The following CCSER1 variants were observed in gnomAD, a reference collection of about 807,000 sequenced individuals.
The protein encoded by CCSER1 is coiled-coil serine rich protein 1.
A neutral mutation model predicts 82.0 loss-of-function variants in CCSER1; 41 were observed. That is an observed-to-expected ratio of 0.50 (90% confidence interval 0.39 to 0.65). The LOEUF (loss-of-function observed/expected upper bound fraction) is 0.65. Ranked by LOEUF, CCSER1 falls within the 30% of genes least tolerant of loss-of-function variation. CCSER1 has a pLI of 0.00. For missense variants in CCSER1, 1,119 were observed against 1,064.2 expected (o/e 1.05, Z -0.72); for synonymous variants, 414 against 383.9 (o/e 1.08, Z -0.92).
chr4:90,809,075 TG>T (rs1429422929), intron 7 of CCSER1, among the ~76,000 whole-genome samples: 1 of 152,128 alleles, frequency 6.6e-6, no homozygotes, highest in Non-Finnish European at 1.5e-5. Context: ...CCCAACATTT[TG>T]GGATGCTGGG....
At chr4:90,296,674 G>A (rs1732014311) in intron 1 of CCSER1, among the ~76,000 whole-genome samples, 1 of 152,100 alleles carries the variant, frequency 6.6e-6, no homozygotes, top group African/African-American at 2.4e-5. Context: ...TTTGTATAAG[G>A]TGTAAGGAAG....
chr4:91,402,700 T>A (rs906931553), intron 10 of CCSER1, among the ~76,000 whole-genome samples: 5 of 152,008 alleles, frequency 3.3e-5, no homozygotes, highest in African/African-American at 1.2e-4. Context: ...AGATCAGATG[T>A]TTGTAGATGT....
intron 1 of CCSER1, among the ~76,000 whole-genome samples, chr4:90,220,466 T>A (rs1741934746): frequency 6.6e-6 from 1 of 152,120 alleles, no homozygotes. Context: ...GATTTGCTTT[T>A]TTTTTTGCTT....
At chr4:90,483,536 C>A (rs1184139330) in intron 5 of CCSER1, among the ~76,000 whole-genome samples, 1 of 152,200 alleles carries the variant, frequency 6.6e-6, no homozygotes, top group Non-Finnish European at 1.5e-5. Flanking sequence ...ATGTTTAGTG[C>A]TTCCTTCAGG....
intron 8 of CCSER1, among the ~76,000 whole-genome samples, chr4:90,820,036 G>A (rs571600063): frequency 6.6e-6 from 1 of 152,230 alleles, no homozygotes; most frequent in East Asian, 1.9e-4. Flanking sequence ...TTCTATAATA[G>A]AACAAAATCT....
intron 10 of CCSER1, among the ~76,000 whole-genome samples, chr4:91,552,425 TAATC>T (rs1762200539): frequency 6.6e-6 from 1 of 151,756 alleles, no homozygotes; most frequent in East Asian, 1.9e-4. Context: ...TAGAAATTAA[TAATC>T]AATAACCAAT....
intron 8 of CCSER1, among the ~76,000 whole-genome samples, chr4:90,878,775 A>G (rs1561293336): frequency 6.6e-6 from 1 of 152,154 alleles, no homozygotes; most frequent in Non-Finnish European, 1.5e-5. Context: ...TAGTTTTGTG[A>G]CCTTAGATCA....
intron 10 of CCSER1, among the ~76,000 whole-genome samples, chr4:91,511,519 G>C (rs898707658): frequency 6.6e-6 from 1 of 152,134 alleles, no homozygotes; most frequent in African/African-American, 2.4e-5. Context: ...CTGGGCCATG[G>C]ACTGGTACCA....
intron 1 of CCSER1, among the ~76,000 whole-genome samples, chr4:90,212,656 T>C (rs1406777295): frequency 2.0e-5 from 3 of 152,224 alleles, no homozygotes; most frequent in Non-Finnish European, 4.4e-5. Context: ...AAGTGGTATT[T>C]GGAGAGTTTG....
At chr4:91,275,247 C>T (rs1479712851) in intron 10 of CCSER1, among the ~76,000 whole-genome samples, 1 of 152,002 alleles carries the variant, frequency 6.6e-6, no homozygotes, top group African/African-American at 2.4e-5. Context: ...TTTACATTTC[C>T]ACCCACAATG....
chr4:90,911,822 AG>A (rs1284080055), intron 8 of CCSER1, among the ~76,000 whole-genome samples: 2 of 152,218 alleles, frequency 1.3e-5, no homozygotes, highest in Non-Finnish European at 2.9e-5. Flanking sequence ...ACGGCACACC[AG>A]GAGATTATAT....
At chr4:90,596,319 A>G (rs994230609) in intron 5 of CCSER1, among the ~76,000 whole-genome samples, 4 of 151,958 alleles carry the variant, frequency 2.6e-5, no homozygotes, top group South Asian at 4.1e-4. Flanking sequence ...TTATTCAATT[A>G]AAGTTATTTA....
intron 1 of CCSER1, among the ~76,000 whole-genome samples, chr4:90,150,700 A>G (rs1446721242): frequency 1.3e-5 from 2 of 152,150 alleles, no homozygotes; most frequent in African/African-American, 4.8e-5. Flanking sequence ...GTAATTATTA[A>G]GAAGAAAAAC....
intron 5 of CCSER1, among the ~76,000 whole-genome samples, chr4:90,480,062 T>C (rs902407152): frequency 6.6e-6 from 1 of 152,170 alleles, no homozygotes; most frequent in South Asian, 2.1e-4. Context: ...TTTTAATGAT[T>C]GCCATTCTAA....
At chr4:91,367,663 A>C (rs992676035) in intron 10 of CCSER1, among the ~76,000 whole-genome samples, 1 of 152,052 alleles carries the variant, frequency 6.6e-6, no homozygotes, top group African/African-American at 2.4e-5. Flanking sequence ...ACACATTACT[A>C]TATCATGGAT....
At chr4:91,224,217 C>T (rs1019243252) in intron 10 of CCSER1, among the ~76,000 whole-genome samples, 17 of 152,020 alleles carry the variant, frequency 1.1e-4, no homozygotes, top group Non-Finnish European at 2.1e-4. Flanking sequence ...CAAATCCACT[C>T]GCATCGGTCT....
chr4:90,601,389 A>T (rs745726952), intron 5 of CCSER1, among the ~76,000 whole-genome samples: 1 of 151,980 alleles, frequency 6.6e-6, no homozygotes, highest in Middle Eastern at 3.2e-3. Context: ...TTTATCAGGA[A>T]TGAATATTGG....
intron 8 of CCSER1, among the ~76,000 whole-genome samples, chr4:90,881,620 C>G (rs1401912726): frequency 7.2e-6 from 1 of 138,940 alleles, no homozygotes. Context: ...AAAAATGCAA[C>G]AACAACAACA....
chr4:90,766,183 A>G (rs995118535), intron 7 of CCSER1, among the ~76,000 whole-genome samples: 2 of 152,168 alleles, frequency 1.3e-5, no homozygotes, highest in Non-Finnish European at 2.9e-5. Context: ...ATCAGTGCCT[A>G]TCAACCAGCC....
Sources: allele counts gnomAD v4.1 joint callset (sites outside exome capture counted in the v4.1 genomes callset), GRCh38; gene constraint gnomAD v4.1.1; transcripts MANE v1.5; gene names NCBI Gene and HGNC (gene_info 2026-07-23, HGNC 2026-07-21).